Variants in LYSMD2 observed in about 807,000 individuals in gnomAD.
LYSMD2 encodes LysM domain containing 2, also known as lysM and putative peptidoglycan-binding domain-containing protein 2.
LYSMD2 carries 6 observed loss-of-function variants against 17.7 expected under a neutral mutation model. The observed-to-expected ratio is 0.34, with a 90% CI of 0.19 to 0.67. The LOEUF (loss-of-function observed/expected upper bound fraction) is 0.67. Ranked by LOEUF, LYSMD2 falls within the 30% of genes least tolerant of loss-of-function variation. The pLI, the probability that LYSMD2 is intolerant of heterozygous loss-of-function variation, is 0.69. For missense variants in LYSMD2, 237 were observed against 286.7 expected, an observed-to-expected ratio of 0.83 and a Z score of 1.25; for synonymous variants, 102 against 129.8, an observed-to-expected ratio of 0.79 and a Z score of 1.45.
At chr15:51,748,213 A>G (rs1480470580) in intron 1 of LYSMD2, among the ~76,000 whole-genome samples, 1 of 148,844 alleles carries the variant, frequency 6.7e-6, no homozygotes, top group Admixed American at 6.8e-5. Flanking sequence ...CAGTGAGCCA[A>G]GATCGCACCA....
intron 1 of LYSMD2, among the ~76,000 whole-genome samples, chr15:51,748,261 C>CAAAAAAA (rs10556304): frequency 4.2e-4 from 25 of 60,226 alleles, no homozygotes; most frequent in African/African-American, 1.5e-3. Context: ...GACTCCGTCT[C>CAAAAAAA]AAAAAAAAAA....
intron 1 of LYSMD2, among the ~76,000 whole-genome samples, chr15:51,731,749 A>G (rs1162097042): frequency 1.3e-5 from 2 of 152,182 alleles, no homozygotes; most frequent in Admixed American, 1.3e-4. Context: ...AGGTTTCTCC[A>G]GGGTTTCTGC....
intron 1 of LYSMD2, among the ~76,000 whole-genome samples, chr15:51,743,383 CTA>C: frequency 6.6e-6 from 1 of 152,174 alleles, no homozygotes; most frequent in Non-Finnish European, 1.5e-5. Context: ...GCTGAAAAGA[CTA>C]TTTTTTCTCT....
At chr15:51,744,948 T>C (rs1028316098) in intron 1 of LYSMD2, among the ~76,000 whole-genome samples, 2 of 152,078 alleles carry the variant, frequency 1.3e-5, no homozygotes, top group Non-Finnish European at 2.9e-5. Context: ...CTACTGATCT[T>C]AGAGAAATAA....
chr15:51,747,343 T>C (rs1018480309), intron 1 of LYSMD2, among the ~76,000 whole-genome samples: 6 of 151,806 alleles, frequency 4.0e-5, no homozygotes, highest in Admixed American at 3.3e-4. Context: ...AATACAAAAT[T>C]AGCCAGGCGT....
intron 1 of LYSMD2, among the ~76,000 whole-genome samples, chr15:51,750,728 C>A (rs569052239): frequency 2.0e-5 from 3 of 152,234 alleles, no homozygotes; most frequent in Admixed American, 2.0e-4. Flanking sequence ...CCCCACTCTG[C>A]TGTCATGCTT....
chr15:51,731,249 G>GTT (rs1393878290), intron 1 of LYSMD2, among the ~76,000 whole-genome samples: 1 of 152,158 alleles, frequency 6.6e-6, no homozygotes, highest in African/African-American at 2.4e-5. Flanking sequence ...CAATAAAGGT[G>GTT]TTTAAAAAAA....
chr15:51,749,233 A>C (rs1175822554), intron 1 of LYSMD2, among the ~76,000 whole-genome samples: 1 of 152,248 alleles, frequency 6.6e-6, no homozygotes, highest in Non-Finnish European at 1.5e-5. Context: ...CAATAGATTT[A>C]AAGAGCTAAA....
intron 2 of LYSMD2, 47 bp downstream of exon 2, chr15:51,724,743 A>T: frequency 1.5e-6 from 2 of 1,377,704 alleles, no homozygotes; most frequent in Non-Finnish European, 1.0e-6. Flanking sequence ...AGGACATCTT[A>T]ATAGTGATTT....
At chr15:51,726,999 T>C (rs2141592178) in intron 1 of LYSMD2, among the ~76,000 whole-genome samples, 1 of 152,336 alleles carries the variant, frequency 6.6e-6, no homozygotes, top group South Asian at 2.1e-4. Flanking sequence ...GTTATTGCTA[T>C]AGCCTTCCTG....
In LYSMD2 at chr15:51,750,302, C is replaced by A. The variant is rs1423837863; in HGVS notation, c.-1+969G>T. On this transcript the variant is annotated intron_variant, in intron 1 of 2. Coordinates refer to the LYSMD2 transcript ENST00000454181. ...AGGAAAGTATTTTCATAAATGCAAA[C>A]CAGTGTTATCATTTTCAGATGTGGA... Among the ~76,000 whole-genome samples, 3 of 152,182 alleles carry A rather than the reference C, an allele frequency of 2.0e-5. No homozygotes were observed. In the East Asian group the frequency reaches 5.8e-4, roughly 29 times the overall value.
At chr15:51,735,178 A>C (rs2055601054) in intron 1 of LYSMD2, among the ~76,000 whole-genome samples, 1 of 152,166 alleles carries the variant, frequency 6.6e-6, no homozygotes, top group Non-Finnish European at 1.5e-5. Flanking sequence ...TGTCTCAAAA[A>C]AAAAAAAAAT....
At chr15:51,737,816 C>T (rs1215246165), upstream of LYSMD2, 1 of 348,872 alleles carries the variant, frequency 2.9e-6, no homozygotes, top group Non-Finnish European at 5.0e-6. This position sits in a 1 kb window ranked among gnomAD's most constrained non-coding sequence, Gnocchi z 4.2. Context: ...TCCTGCCTGC[C>T]CCGGGCGCCC....
intron 1 of LYSMD2, among the ~76,000 whole-genome samples, chr15:51,747,763 G>T (rs2141604650): frequency 6.6e-6 from 1 of 152,212 alleles, no homozygotes; most frequent in South Asian, 2.1e-4. Context: ...CATCACTGTG[G>T]TATCATTTAA....
At chr15:51,748,268 A>G (rs1235335966) in intron 1 of LYSMD2, among the ~76,000 whole-genome samples, 123 of 134,500 alleles carry the variant, frequency 9.1e-4, no homozygotes, top group African/African-American at 3.3e-3. Flanking sequence ...TCTCAAAAAA[A>G]AAAAAAAAAA....
At chr15:51,723,775 C>T in intron 2 of LYSMD2, 126 bp from the exon 3 acceptor site, 1 of 603,906 alleles carries the variant, frequency 1.7e-6, no homozygotes, top group Non-Finnish European at 2.8e-6. Flanking sequence ...ATTGTGCATG[C>T]CTAGACAACT....
chr15:51,731,814 T>C (rs757206140), intron 1 of LYSMD2, among the ~76,000 whole-genome samples: 66 of 152,218 alleles, frequency 4.3e-4, no homozygotes, highest in Non-Finnish European at 6.6e-4. Context: ...GAGGCTTGAC[T>C]CTAACTGAGA....
chr15:51,745,988 C>T (rs1239207157), intron 1 of LYSMD2, among the ~76,000 whole-genome samples: 1 of 152,168 alleles, frequency 6.6e-6, no homozygotes, highest in Non-Finnish European at 1.5e-5. Flanking sequence ...TTGGAATTTT[C>T]ACCCATTGCT....
intron 2 of LYSMD2, among the ~76,000 whole-genome samples, chr15:51,724,214 C>T (rs2055521277): frequency 6.6e-6 from 1 of 151,922 alleles, no homozygotes; most frequent in Non-Finnish European, 1.5e-5. Context: ...GAAACCAATT[C>T]TATAGGAGAG....
Sources: gnomAD v4.1 joint callset for allele counts (sites outside exome capture counted in the v4.1 genomes callset) on GRCh38, gnomAD v4.1.1 for gene constraint, Gnocchi (gnomAD v3.1) non-coding constraint, MANE v1.5 for transcripts, NCBI Gene and HGNC (gene_info 2026-07-23, HGNC 2026-07-21) for gene names.